MORC1: variants seen among roughly 807,000 people sequenced by gnomAD.
The protein encoded by MORC1 is MORC family CW-type zinc finger protein 1.
In MORC1, 59 loss-of-function variants were observed where a neutral mutation model predicts 134.9. The ratio of observed to expected loss-of-function variants is 0.44; its 90% CI spans 0.35 to 0.54. The LOEUF is 0.54. Ranked by LOEUF, MORC1 falls within the 20% of genes least tolerant of loss-of-function variation. The pLI is 0.00. For synonymous variants in MORC1, 395 were observed against 391.7 expected (o/e 1.01, Z -0.10); for missense variants, 947 against 1,134.5 (o/e 0.83, Z 2.37).
intron 21 of MORC1, among the ~76,000 whole-genome samples, chr3:108,994,533 A>G (rs3792351): frequency 0.2 from 31,011 of 152,138 alleles, 3,500 homozygotes; most frequent in Middle Eastern, 0.32. Context: ...TAACTGAAAG[A>G]TTATTATTAT....
At chr3:109,097,067 A>G (rs1950843908) in intron 6 of MORC1, among the ~76,000 whole-genome samples, 1 of 152,158 alleles carries the variant, frequency 6.6e-6, no homozygotes, top group Admixed American at 6.5e-5. Context: ...TCCAAATCAA[A>G]AAGACCCAGC....
chr3:109,005,318 TA>T lies in MORC1; in HGVS notation c.1768-4del. On this transcript the variant is annotated splice_polypyrimidine_tract_variant and splice_region_variant and intron_variant, in intron 18 of 27. Coordinates refer to ENST00000232603, the MANE Select transcript of MORC1 (RefSeq NM_014429.4). ...ATTTTCTGGGTTTTGGTATTTTCCT[TA>T]AATAACAAAGAACATGTTTTTATTT... The T allele has an allele frequency of 6.3e-7, 1 of 1,579,990 alleles. No individual in the cohort carries two copies. Among genetic ancestry groups the T allele is most frequent in the East Asian group, 2.2e-5 (1 of 44,642 alleles).
At chr3:108,982,802 G>C (rs1230709398) in intron 23 of MORC1, among the ~76,000 whole-genome samples, 2 of 150,714 alleles carry the variant, frequency 1.3e-5, no homozygotes, top group African/African-American at 4.9e-5. Context: ...ATTTTCACCA[G>C]CCCAAAAAGT....
At chr3:109,027,611 C>A in intron 17 of MORC1, 140 bp downstream of exon 17, 1 of 1,152,638 alleles carries the variant, frequency 8.7e-7, no homozygotes, top group Non-Finnish European at 1.2e-6. Flanking sequence ...GGTCTTAGAT[C>A]CAAAATTAAA....
intron 21 of MORC1, among the ~76,000 whole-genome samples, chr3:108,995,767 G>A (rs1028235290): frequency 2.0e-5 from 3 of 152,136 alleles, no homozygotes; most frequent in South Asian, 4.1e-4. Flanking sequence ...AGCTTAGGCT[G>A]GGCAAGGCAT....
intron 27 of MORC1, among the ~76,000 whole-genome samples, chr3:108,961,694 T>C (rs554847602): frequency 2.6e-5 from 4 of 152,356 alleles, no homozygotes; most frequent in East Asian, 3.9e-4. Flanking sequence ...AAGAGTTTCA[T>C]ACTCTGCTGG....
intron 12 of MORC1, among the ~76,000 whole-genome samples, chr3:109,059,257 C>T (rs1559927138): frequency 6.6e-6 from 1 of 152,084 alleles, no homozygotes; most frequent in Non-Finnish European, 1.5e-5. Context: ...TTAAGTTTAA[C>T]TTCTTCAGCA....
chr3:109,057,536 C>A (rs377184883), intron 12 of MORC1, 50 bp from the exon 13 acceptor site: 3 of 1,472,066 alleles, frequency 2.0e-6, no homozygotes, highest in African/African-American at 2.8e-5. Context: ...AATAAACATA[C>A]ACAGTTTAGG....
chr3:109,003,785 G>C (rs1948467556), intron 20 of MORC1, among the ~76,000 whole-genome samples: 1 of 152,132 alleles, frequency 6.6e-6, no homozygotes. Context: ...CTCAAGAAAA[G>C]ATTTGGGCAA....
chr3:109,033,714 A>G (rs1046621710), intron 15 of MORC1, among the ~76,000 whole-genome samples: 1 of 152,148 alleles, frequency 6.6e-6, no homozygotes, highest in African/African-American at 2.4e-5. Context: ...TTATATTAGT[A>G]CTTATCTAAA....
Position 108,960,815 on chromosome 3 carries a change from T to TA in MORC1, c.2800-1696dup, listed in dbSNP as rs539544439. ...CTTCTGACTTCTTTTTAAAAATCTT[T>TA]AAAAAAAAATCTGTAAAGGGCATCC... On this transcript the variant is annotated intron_variant, in intron 27 of 27. Transcript: ENST00000232603. 8.9e-4 allele frequency among the ~76,000 whole-genome samples: 135 copies of TA among 151,780 alleles called. 2 individuals carry two copies. In the East Asian group the frequency reaches 0.019, roughly 22 times the overall value.
At chr3:109,039,162 C>T (rs981666681) in intron 14 of MORC1, among the ~76,000 whole-genome samples, 50 of 152,122 alleles carry the variant, frequency 3.3e-4, no homozygotes, top group Non-Finnish European at 6.0e-4. Context: ...GTGATCCACC[C>T]GCCTCAGCCT....
chr3:109,005,829 C>T (rs565155472), intron 18 of MORC1, among the ~76,000 whole-genome samples: 1 of 152,272 alleles, frequency 6.6e-6, no homozygotes, highest in African/African-American at 2.4e-5. Context: ...CACCAAGTGA[C>T]ACTCTAGTTA....
chr3:109,088,291 C>T (rs528445591), intron 8 of MORC1, among the ~76,000 whole-genome samples: 2 of 152,122 alleles, frequency 1.3e-5, no homozygotes, highest in South Asian at 4.1e-4. Context: ...AACAGACAAC[C>T]TACAGGATGG....
At chr3:109,069,778 T>C in intron 8 of MORC1, 21 bp from the exon 9 acceptor site, 1 of 1,605,604 alleles carries the variant, frequency 6.2e-7, no homozygotes, top group Non-Finnish European at 8.5e-7. Context: ...AAATACAAAA[T>C]GTCACAATAC....
chr3:108,966,698 T>C (rs2593936), intron 26 of MORC1, among the ~76,000 whole-genome samples: 52,286 of 151,996 alleles, frequency 0.34, 9,399 homozygotes, highest in Middle Eastern at 0.49. Context: ...AGAGTCTTCA[T>C]ATAAAACATA....
intron 4 of MORC1, chr3:109,101,612 A>G (rs1290371318): frequency 6.6e-6 from 1 of 152,234 alleles, no homozygotes; most frequent in Non-Finnish European, 1.5e-5. Context: ...TGGACCTCCT[A>G]TGATATGTTC....
At chr3:109,025,387 T>TTC (rs1949051864) in intron 17 of MORC1, among the ~76,000 whole-genome samples, 1 of 88,498 alleles carries the variant, frequency 1.1e-5, no homozygotes, top group African/African-American at 4.0e-5. Flanking sequence ...TTCTTTTTTT[T>TTC]TTTTTTTTTT....
chr3:109,055,368 T>C (rs1271332624), intron 13 of MORC1, among the ~76,000 whole-genome samples: 1 of 152,184 alleles, frequency 6.6e-6, no homozygotes, highest in Admixed American at 6.5e-5. Flanking sequence ...TCCATGAGGA[T>C]CTCACTGGAA....
Sources: gnomAD v4.1 joint callset for allele counts (sites outside exome capture counted in the v4.1 genomes callset) on GRCh38, gnomAD v4.1.1 for gene constraint, MANE v1.5 for transcripts, NCBI Gene and HGNC (gene_info 2026-07-23, HGNC 2026-07-21) for gene names.